Variants in HMX1 observed in about 807,000 individuals in gnomAD.
The protein encoded by HMX1 is H6 family homeobox 1.
In HMX1, 8 loss-of-function variants were observed where a neutral mutation model predicts 8.9. The ratio of observed to expected loss-of-function variants is 0.90; its 90% CI spans 0.53 to 1.63. HMX1 has a LOEUF of 1.63. HMX1 is among the 40% of genes most tolerant of loss of function. The pLI, the probability that HMX1 is intolerant of heterozygous loss-of-function variation, is 0.00. For missense variants in HMX1, 621 were observed against 558.5 expected (o/e 1.11, Z -1.13); for synonymous variants, 311 against 283.4 (o/e 1.10, Z -0.98).
rs546905393 is a variant in HMX1 at position 8,868,889 on chromosome 4, C to A, written c.395-544G>T. Reference sequence around the variant, plus strand: ...AATGAAGAGTTCACAGGCCTCTTCCCGCGCCCTCTGCCCGCTTGCACAGAA... The same window carrying A: ...AATGAAGAGTTCACAGGCCTCTTCCAGCGCCCTCTGCCCGCTTGCACAGAA... On this transcript the variant is annotated intron_variant, in intron 1 of 1. Transcript: ENST00000400677. The surrounding 1 kb of genome is among the most constrained non-coding windows in gnomAD (Gnocchi z 4.6). Among the ~76,000 whole-genome samples the A allele has an allele frequency of 1.3e-5, 2 of 152,102 alleles. No individual in the cohort carries two copies. The highest frequency in any genetic ancestry group is 2.9e-5 in the Non-Finnish European group (2 of 68,020).
intron 1 of HMX1, among the ~76,000 whole-genome samples, chr4:8,858,544 G>A (rs1387602250): frequency 2.0e-5 from 3 of 152,170 alleles, no homozygotes; most frequent in Non-Finnish European, 2.9e-5. Flanking sequence ...GGTCCATTCG[G>A]GAGAGAGAGG....
chr4:8,858,288 T>A (rs1577195249), intron 1 of HMX1, among the ~76,000 whole-genome samples: 1 of 147,268 alleles, frequency 6.8e-6, no homozygotes, highest in African/African-American at 2.5e-5. Flanking sequence ...CGGGAGGGGG[T>A]GAGAAGCCGA....
intron 1 of HMX1, among the ~76,000 whole-genome samples, chr4:8,855,602 T>G (rs1314486223): frequency 2.0e-5 from 3 of 152,190 alleles, no homozygotes; most frequent in Non-Finnish European, 4.4e-5. Flanking sequence ...TTCTCTCACC[T>G]GGCACTTAGC....
chr4:8,855,515 G>C (rs954482995), intron 1 of HMX1, among the ~76,000 whole-genome samples: 1 of 152,172 alleles, frequency 6.6e-6, no homozygotes, highest in Non-Finnish European at 1.5e-5. Flanking sequence ...TCTGGGGGTC[G>C]AGGTGAGTGC....
intron 1 of HMX1, among the ~76,000 whole-genome samples, chr4:8,854,320 C>A (rs1205843884): frequency 6.6e-6 from 1 of 152,250 alleles, no homozygotes; most frequent in Non-Finnish European, 1.5e-5. Flanking sequence ...CCGGGGAGAA[C>A]CCTGAATGGG....
In HMX1 at chr4:8,871,597, C is replaced by G. The variant is rs1384602831; in HGVS notation, c.18G>C (p.Thr6=). 3 of 1,321,558 alleles carry G rather than the reference C, an allele frequency of 2.3e-6. No individual in the cohort carries two copies. In the East Asian group the frequency reaches 1.0e-4, roughly 44 times the overall value. 81.9% of individuals were successfully genotyped at this position (1,321,558 alleles called of 1,614,324 possible). The change falls in exon 1 of 2, where the codon ACG becomes ACC. Residue 6 remains threonine (T), a synonymous_variant. Coordinates refer to ENST00000400677, the MANE Select transcript of HMX1 (RefSeq NM_018942.3). This position sits in a 1 kb window ranked among gnomAD's most constrained non-coding sequence, Gnocchi z 4.8. The part of the protein sequence containing the change: MPDEL[T]EPGRATPARA... ...GGGCCGGCGTGGCGCGCCCGGGCTC[C>G]GTCAGCTCGTCAGGCATCGCGGCCG...
At chr4:8,859,023 G>C (rs1401868212) in intron 1 of HMX1, 1 of 152,396 alleles carries the variant, frequency 6.6e-6, no homozygotes, top group Non-Finnish European at 1.5e-5. Flanking sequence ...GGAGCAGAGT[G>C]GGGAGGAAGG....
exon 2 of HMX1, chr4:8,846,270 C>T (rs1187539627): frequency 6.5e-7 from 1 of 1,535,380 alleles, no homozygotes; most frequent in South Asian, 1.2e-5. Flanking sequence ...TTTATCAGCT[C>T]TGGTCACCTG....
chr4:8,849,250 C>T lies in HMX1; in HGVS notation c.395-2926G>A, dbSNP rs765429977. ...GGTCCTGACCGGCAGCACCCCAGAA[C>T]GGGAGTTTATTTGGAAATAGGGTCT... On this transcript the variant is annotated intron_variant, in intron 1 of 1. Transcript: ENST00000506970. The surrounding 1 kb of genome is among the most constrained non-coding windows in gnomAD (Gnocchi z 6.6). Among the ~76,000 whole-genome samples the T allele has an allele frequency of 9.2e-5, 14 of 151,986 alleles. No individual in the cohort carries two copies. Among genetic ancestry groups the T allele is most frequent in the Non-Finnish European group, 1.8e-4 (12 of 68,010 alleles).
At chr4:8,863,827 C>T (rs1721908094), downstream of HMX1, among the ~76,000 whole-genome samples, 1 of 152,244 alleles carries the variant, frequency 6.6e-6, no homozygotes, top group Non-Finnish European at 1.5e-5. Flanking sequence ...CCAGTAGCTC[C>T]GATCCCTGTG....
chr4:8,869,505 T>G (rs1056452668), intron 1 of HMX1, among the ~76,000 whole-genome samples: 1 of 152,224 alleles, frequency 6.6e-6, no homozygotes, highest in African/African-American at 2.4e-5. Flanking sequence ...TGCAGTGTAT[T>G]TGCAGCATTT....
intron 1 of HMX1, among the ~76,000 whole-genome samples, chr4:8,857,625 C>G (rs888077358): frequency 4.6e-5 from 7 of 152,246 alleles, no homozygotes; most frequent in African/African-American, 1.7e-4. Context: ...CCTGGAGCCT[C>G]TCTGCGAGCA....
At chr4:8,850,637 C>T (rs1344352053) in intron 1 of HMX1, among the ~76,000 whole-genome samples, 1 of 152,240 alleles carries the variant, frequency 6.6e-6, no homozygotes, top group Non-Finnish European at 1.5e-5. Flanking sequence ...CCCATCCCAC[C>T]TCCTACCTGT....
In HMX1 at chr4:8,868,516, T is replaced by C. The variant is rs1722107486; in HGVS notation, c.395-171A>G. ...GGGGATGCACACATTGTCAGAACCG[T>C]GGGAGGCGGCCCAGAGACCAGGCAG... On this transcript the variant is annotated intron_variant, in intron 1 of 1. Coordinates refer to ENST00000400677, the MANE Select transcript of HMX1 (RefSeq NM_018942.3). This position sits in a 1 kb window ranked among gnomAD's most constrained non-coding sequence, Gnocchi z 4.6. 6.6e-6 allele frequency among the ~76,000 whole-genome samples: 1 copy of C among 152,032 alleles called. No homozygotes were observed. The highest frequency in any genetic ancestry group is 6.5e-5 in the Admixed American group (1 of 15,276).
In HMX1 at chr4:8,867,343, G is replaced by A. The variant is rs1341041200; in HGVS notation, c.*350C>T. The stretch of plus-strand genomic sequence containing the variant: ...CCGGTTCGTAGTTTTCCTTTGTTGC[G>A]CTGGGCTTGGCCTGAGGGCAGCTGC... On this transcript the variant is annotated 3_prime_UTR_variant, in exon 2 of 2. Coordinates refer to ENST00000400677, the MANE Select transcript of HMX1 (RefSeq NM_018942.3). 7 of 1,008,544 alleles carry A rather than the reference G, an allele frequency of 6.9e-6. No individual in the cohort carries two copies. Among genetic ancestry groups the A allele is most frequent in the Middle Eastern group, 4.9e-4 (1 of 2,046 alleles). 62.5% of individuals were successfully genotyped at this position (1,008,544 alleles called of 1,614,324 possible).
downstream of HMX1, among the ~76,000 whole-genome samples, chr4:8,865,022 T>A (rs1261071864): frequency 6.6e-6 from 1 of 152,240 alleles, no homozygotes; most frequent in Non-Finnish European, 1.5e-5. Flanking sequence ...GGTTCCCTAG[T>A]AGCCAGAGTG....
intron 1 of HMX1, among the ~76,000 whole-genome samples, chr4:8,852,042 G>A (rs1301952648): frequency 3.9e-5 from 6 of 152,234 alleles, no homozygotes; most frequent in African/African-American, 1.4e-4. Flanking sequence ...ACACTGCAGT[G>A]GGAGTGCAAT....
rs1275108647 is a variant in HMX1 at position 8,871,717 on chromosome 4, AC to A, written c.-104del. ...CGCGCGGGCCGGCCCTGGAGCTGCT[AC>A]CCGGACCGCTGGCGTCGGGCCCCGC... On this transcript the variant is annotated 5_prime_UTR_variant, in exon 1 of 2. Transcript: ENST00000400677. This position sits in a 1 kb window ranked among gnomAD's most constrained non-coding sequence, Gnocchi z 4.8. 1,166 of 1,075,018 alleles carry A rather than the reference AC, an allele frequency of 1.1e-3. 1 individual carries two copies. The highest frequency in any genetic ancestry group is 1.9e-3 in the Admixed American group (36 of 18,706). The allele number at this position is 1,075,018 out of a possible 1,614,324, so 66.6% of individuals were successfully genotyped here.
At position 8,867,260 on chromosome 4, in the gene HMX1, A is replaced by G. The variant is rs1722030389; in HGVS notation, c.*433T>C. On this transcript the variant is annotated 3_prime_UTR_variant, in exon 2 of 2. Transcript: ENST00000400677. ...CGGCCTGCTGTCTGGGTCCCAGGAA[A>G]GGGACGTTTAGTGTTGGGGGCAGTC... 2.0e-6 allele frequency: 2 copies of G among 986,200 alleles called. No individual in the cohort carries two copies. The highest frequency in any genetic ancestry group is 1.7e-5 in the African/African-American group (1 of 57,276). The allele number at this position is 986,200 out of a possible 1,614,324, so 61.1% of individuals were successfully genotyped here. A position where few individuals can be genotyped will look rare whatever the true frequency, so the allele number is the denominator to read the frequency against.
Sources: allele counts gnomAD v4.1 joint callset (sites outside exome capture counted in the v4.1 genomes callset), GRCh38; gene constraint gnomAD v4.1.1; non-coding constraint Gnocchi (gnomAD v3.1); transcripts MANE v1.5; gene names NCBI Gene and HGNC (gene_info 2026-07-23, HGNC 2026-07-21).